The following WWOX variants were observed in gnomAD, a reference collection of about 807,000 sequenced individuals.
WWOX encodes the protein WW domain-containing oxidoreductase.
In WWOX, 69 loss-of-function variants were observed where a neutral mutation model predicts 46.2. The ratio of observed to expected loss-of-function variants is 1.49; its 90% CI spans 1.23 to 1.82. WWOX has a LOEUF of 1.82. WWOX is among the 40% of genes most tolerant of loss of function. The pLI, the probability that WWOX is intolerant of heterozygous loss-of-function variation, is 0.00. For missense variants in WWOX, 919 were observed against 542.6 expected, an observed-to-expected ratio of 1.69 and a Z score of -6.89; for synonymous variants, 359 against 202.6, an observed-to-expected ratio of 1.77 and a Z score of -6.56.
chr16:78,870,861 CA>C (rs2044112571), intron 8 of WWOX, among the ~76,000 whole-genome samples: 1 of 152,182 alleles, frequency 6.6e-6, no homozygotes, highest in Admixed American at 6.5e-5. Flanking sequence ...CTCAGCTTCC[CA>C]AAGTGCTAGG....
intron 8 of WWOX, among the ~76,000 whole-genome samples, chr16:78,637,849 C>G (rs536021114): frequency 4.3e-4 from 65 of 152,268 alleles, no homozygotes; most frequent in African/African-American, 1.5e-3. Context: ...TCTCCACTTT[C>G]CAGCCTTTGG....
chr16:79,104,610 T>G (rs1224690583), intron 8 of WWOX, among the ~76,000 whole-genome samples: 1 of 152,224 alleles, frequency 6.6e-6, no homozygotes, highest in Non-Finnish European at 1.5e-5. Context: ...TTGAGGCAGA[T>G]AGATGCACAT....
intron 5 of WWOX, among the ~76,000 whole-genome samples, chr16:78,229,499 T>G (rs1470386507): frequency 9.3e-6 from 1 of 107,696 alleles, no homozygotes; most frequent in Non-Finnish European, 1.9e-5. Flanking sequence ...TATATATTTA[T>G]CTATATCTAT....
At chr16:78,509,436 C>A (rs1282367425) in intron 8 of WWOX, among the ~76,000 whole-genome samples, 2 of 60,186 alleles carry the variant, frequency 3.3e-5, no homozygotes, top group African/African-American at 3.8e-5. Context: ...GAGACTCAGT[C>A]TCAAAAAAAA....
At chr16:78,493,837 C>G (rs1299518050) in intron 8 of WWOX, among the ~76,000 whole-genome samples, 1 of 152,174 alleles carries the variant, frequency 6.6e-6, no homozygotes, top group Non-Finnish European at 1.5e-5. Context: ...TTCTTACCCA[C>G]TGCATGATGT....
intron 5 of WWOX, among the ~76,000 whole-genome samples, chr16:78,373,714 A>C (rs772693820): frequency 6.6e-6 from 1 of 152,084 alleles, no homozygotes; most frequent in Non-Finnish European, 1.5e-5. Context: ...ATGACTGATA[A>C]ATTTGAAATA....
chr16:78,784,786 C>G (rs1201695316), intron 8 of WWOX, among the ~76,000 whole-genome samples: 1 of 152,126 alleles, frequency 6.6e-6, no homozygotes, highest in Non-Finnish European at 1.5e-5. Flanking sequence ...AGCTCCTGAC[C>G]TTCATAATAA....
intron 8 of WWOX, among the ~76,000 whole-genome samples, chr16:78,792,136 C>T (rs971975328): frequency 1.3e-5 from 2 of 152,110 alleles, no homozygotes; most frequent in Admixed American, 6.5e-5. Flanking sequence ...CATCACAAAC[C>T]ACCATTAGAC....
intron 8 of WWOX, among the ~76,000 whole-genome samples, chr16:78,841,178 G>C (rs929139855): frequency 6.6e-6 from 1 of 152,188 alleles, no homozygotes; most frequent in African/African-American, 2.4e-5. Context: ...GGGTCTTCCA[G>C]AAATGCAGGG....
intron 8 of WWOX, among the ~76,000 whole-genome samples, chr16:79,091,818 G>T (rs557048385): frequency 8.7e-6 from 1 of 115,120 alleles, no homozygotes; most frequent in African/African-American, 3.5e-5. Flanking sequence ...GTCTAGCTCT[G>T]TCACCAGGCT....
intron 8 of WWOX, among the ~76,000 whole-genome samples, chr16:78,651,902 G>GGAGTGA (rs2142145225): frequency 6.6e-6 from 1 of 152,296 alleles, no homozygotes; most frequent in Admixed American, 6.5e-5. Flanking sequence ...ATTCCCATAG[G>GGAGTGA]GAGTGAGAGA....
chr16:79,193,207 C>G (rs1218093483), intron 8 of WWOX, among the ~76,000 whole-genome samples: 1 of 152,216 alleles, frequency 6.6e-6, no homozygotes, highest in Non-Finnish European at 1.5e-5. Flanking sequence ...GACCAAAGTT[C>G]ATCTCCAAAT....
intron 8 of WWOX, among the ~76,000 whole-genome samples, chr16:78,609,937 C>G (rs535490453): frequency 6.6e-6 from 1 of 152,218 alleles, no homozygotes; most frequent in African/African-American, 2.4e-5. Context: ...TAGGGGGTAG[C>G]ATAGAATAAA....
intron 8 of WWOX, among the ~76,000 whole-genome samples, chr16:79,057,831 G>A (rs2048290960): frequency 6.6e-6 from 1 of 152,120 alleles, no homozygotes; most frequent in Admixed American, 6.5e-5. Context: ...GTTCCGCTGA[G>A]ACTCCATTTA....
intron 5 of WWOX, among the ~76,000 whole-genome samples, chr16:78,339,122 A>G (rs2080956797): frequency 8.3e-6 from 1 of 120,048 alleles, no homozygotes; most frequent in African/African-American, 2.8e-5. Context: ...CATCATATCC[A>G]TATAGTGATA....
At chr16:79,203,270 C>G (rs2051401333) in intron 8 of WWOX, 1 of 152,134 alleles carries the variant, frequency 6.6e-6, no homozygotes, top group African/African-American at 2.4e-5. Flanking sequence ...GAAATATTAA[C>G]AAGGCCAGCG....
Position 78,776,240 on chromosome 16 carries a change from A to G in WWOX, c.1056+343488A>G, listed in dbSNP as rs578156166. ...TGTGTCTAAGGATTGTGGGTGAACA[A>G]CAGCAGCACAGGCTACATTGGCTTG... On this transcript the variant is annotated intron_variant, in intron 8 of 8. Coordinates refer to ENST00000566780, the MANE Select transcript of WWOX (RefSeq NM_016373.4). Among the ~76,000 whole-genome samples, 16 of 152,128 alleles carry G rather than the reference A, an allele frequency of 1.1e-4. No individual in the cohort carries two copies. The South Asian group carries it at 2.3e-3, about 22-fold the overall frequency.
intron 8 of WWOX, among the ~76,000 whole-genome samples, chr16:78,633,139 G>A (rs1341394762): frequency 1.3e-5 from 2 of 152,054 alleles, no homozygotes; most frequent in African/African-American, 4.8e-5. Flanking sequence ...GCGTGTGCCT[G>A]TAATCCCAGT....
intron 8 of WWOX, among the ~76,000 whole-genome samples, chr16:78,452,458 C>G (rs1024988946): frequency 3.0e-4 from 45 of 147,898 alleles, no homozygotes; most frequent in African/African-American, 1.0e-3. Flanking sequence ...CTAATAAATA[C>G]TTTTTTCTCT....
Sources: gnomAD v4.1 joint callset for allele counts (sites outside exome capture counted in the v4.1 genomes callset) on GRCh38, gnomAD v4.1.1 for gene constraint, MANE v1.5 for transcripts, NCBI Gene and HGNC (gene_info 2026-07-23, HGNC 2026-07-21) for gene names.